Variants in LIG1 observed in about 807,000 individuals in gnomAD.
The protein encoded by LIG1 is DNA ligase 1, also known as ligase I, DNA, ATP-dependent.
LIG1 carries 70 observed loss-of-function variants against 115.7 expected under a neutral mutation model. The observed-to-expected ratio is 0.60, with a 90% CI of 0.50 to 0.74. The LOEUF (loss-of-function observed/expected upper bound fraction) is 0.74, where lower values mean the gene tolerates loss of function less well. Among genes scored for constraint, LIG1 ranks in the 30% least tolerant of loss-of-function variants. The probability of loss-of-function intolerance (pLI) is 0.00; values close to 1 mark genes in which losing one functional copy is unlikely to be tolerated. For synonymous variants in LIG1, 487 were observed against 495.3 expected, an observed-to-expected ratio of 0.98 and a Z score of 0.22; for missense variants, 1,115 against 1,225.6, an observed-to-expected ratio of 0.91 and a Z score of 1.35.
At chr19:48,156,024 G>A (rs193255260) in intron 5 of LIG1, among the ~76,000 whole-genome samples, 1 of 152,246 alleles carries the variant, frequency 6.6e-6, no homozygotes, top group Non-Finnish European at 1.5e-5. Context: ...CCCGCATTAC[G>A]AATGGGTCTC....
chr19:48,116,035 C>T (rs2032790747), intron 26 of LIG1, 70 bp from the exon 27 acceptor site: 2 of 1,103,634 alleles, frequency 1.8e-6, no homozygotes, highest in African/African-American at 3.1e-5. Flanking sequence ...CTCCCTCCTC[C>T]ACTCTGGACT....
chr19:48,156,226 T>C (rs1213231749), intron 5 of LIG1, among the ~76,000 whole-genome samples: 1 of 152,168 alleles, frequency 6.6e-6, no homozygotes, highest in Non-Finnish European at 1.5e-5. Flanking sequence ...TTGCCTAGCA[T>C]GCTCCCCTCC....
In LIG1 at chr19:48,140,137, C is replaced by T; in HGVS notation, c.921G>A (p.Arg307=). ...GCAAGTTGCTCAGCGTCTCCACCATCCGGAGCCTGGAGGAGGGGACGGGGG... is the reference window on the plus strand; with the variant it reads ...GCAAGTTGCTCAGCGTCTCCACCATTCGGAGCCTGGAGGAGGGGACGGGGG... The part of the protein sequence containing the change: ...EKIEEVSARL[R]MVETLSNLLR... Residue 307 remains arginine (R), a synonymous_variant, in exon 12 of 28, where the codon CGG becomes CGA. Transcript: ENST00000263274. 6.2e-7 allele frequency: 1 copy of T among 1,613,098 alleles called. No individual in the cohort carries two copies. Among genetic ancestry groups the T allele is most frequent in the Non-Finnish European group, 8.5e-7 (1 of 1,179,904 alleles).
chr19:48,135,892 C>CCG, intron 15 of LIG1, 113 bp from the exon 16 acceptor site: 1 of 906,288 alleles, frequency 1.1e-6, no homozygotes. Context: ...GCCCAAGACG[C>CCG]CCCCTCCCCC....
chr19:48,134,145 C>CTT (rs2034228392), intron 16 of LIG1, 79 bp from the exon 17 acceptor site: 2 of 1,344,994 alleles, frequency 1.5e-6, no homozygotes, highest in African/African-American at 2.9e-5. Context: ...CGGCCTGCTC[C>CTT]CAGAAGCCTG....
intron 5 of LIG1, among the ~76,000 whole-genome samples, chr19:48,155,475 A>G (rs937423486): frequency 4.0e-5 from 6 of 151,548 alleles, no homozygotes; most frequent in Non-Finnish European, 8.8e-5. Flanking sequence ...AACATGGCCA[A>G]CCCCAACCCA....
chr19:48,143,306 T>C (rs1440866229), intron 11 of LIG1, among the ~76,000 whole-genome samples: 1 of 152,240 alleles, frequency 6.6e-6, no homozygotes, highest in East Asian at 1.9e-4. Context: ...CCTGTCTCCT[T>C]ACCCTGCACA....
intron 24 of LIG1, chr19:48,120,132 C>T: frequency 2.1e-6 from 2 of 968,200 alleles, no homozygotes; most frequent in Non-Finnish European, 2.5e-6. Context: ...TGTCACTGAT[C>T]GTTTAGGTTA....
Position 48,137,527 on chromosome 19 carries a change from T to C in LIG1, c.1249A>G (p.Ser417Gly). Reference sequence around the variant, plus strand: ...GAGCGGCCCGCCCCACTCACAGCACTGCCAGTGAGCCTGGCGATGTCGCGG... The same window carrying C: ...GAGCGGCCCGCCCCACTCACAGCACCGCCAGTGAGCCTGGCGATGTCGCGG... ...KFRDIARLTG[S>G]ASTAKKIDII... Residue 417 changes from serine (S) to glycine (G), a missense_variant, in exon 13 of 28, where the codon AGT becomes GGT. Physicochemically the swap from Ser to Gly is moderately conservative, Grantham distance 56 (BLOSUM62 0). Coordinates refer to ENST00000263274, the MANE Select transcript of LIG1 (RefSeq NM_000234.3). This position sits in a 1 kb window ranked among gnomAD's most constrained non-coding sequence, Gnocchi z 4.3. 6.2e-7 allele frequency: 1 copy of C among 1,612,572 alleles called. No individual in the cohort carries two copies. The highest frequency in any genetic ancestry group is 8.5e-7 in the Non-Finnish European group (1 of 1,179,986).
intron 4 of LIG1, among the ~76,000 whole-genome samples, chr19:48,157,670 G>A (rs1457751970): frequency 4.0e-5 from 6 of 151,898 alleles, no homozygotes; most frequent in Non-Finnish European, 7.4e-5. Flanking sequence ...TCAGCCTCCC[G>A]AGCAACTGGG....
chr19:48,148,658 T>C (rs1023360208), intron 9 of LIG1, among the ~76,000 whole-genome samples: 1 of 151,884 alleles, frequency 6.6e-6, no homozygotes, highest in Non-Finnish European at 1.5e-5. Flanking sequence ...GTTTTGAGCA[T>C]GGCAGAGATG....
chr19:48,164,173 T>C (rs1465712660), intron 2 of LIG1, among the ~76,000 whole-genome samples: 1 of 151,880 alleles, frequency 6.6e-6, no homozygotes, highest in Non-Finnish European at 1.5e-5. Context: ...CTAAAATTAT[T>C]CCAGAATAAG....
At chr19:48,144,904 A>G (rs1210546001) in intron 9 of LIG1, among the ~76,000 whole-genome samples, 2 of 151,504 alleles carry the variant, frequency 1.3e-5, no homozygotes, top group Non-Finnish European at 2.9e-5. Context: ...GCAGCTCTAG[A>G]GACAGTTCCC....
At chr19:48,148,890 G>T (rs1014636506) in intron 9 of LIG1, among the ~76,000 whole-genome samples, 1 of 152,206 alleles carries the variant, frequency 6.6e-6, no homozygotes, top group Non-Finnish European at 1.5e-5. Flanking sequence ...CACGAGGGCT[G>T]GGGCAGGGCG....
In LIG1 at chr19:48,135,903, C is replaced by G. The variant is rs527685633; in HGVS notation, c.1424-124G>C. 13 of 938,206 alleles carry G rather than the reference C, an allele frequency of 1.4e-5. No individual in the cohort carries two copies. In the African/African-American group the frequency reaches 1.9e-4, roughly 14 times the overall value. The allele number at this position is 938,206 out of a possible 1,614,324, so 58.1% of individuals were successfully genotyped here. A position where few individuals can be genotyped will look rare whatever the true frequency, so the allele number is the denominator to read the frequency against. ...CGCGGCCCAAGACGCCCCCTCCCCC[C>G]CACCCAGGAGAGAGGAGCCTGGTAT... On this transcript the variant is annotated intron_variant, in intron 15 of 27. Coordinates refer to ENST00000263274, the MANE Select transcript of LIG1 (RefSeq NM_000234.3).
chr19:48,136,567 G>T (rs1009600012), intron 14 of LIG1, among the ~76,000 whole-genome samples: 5 of 152,186 alleles, frequency 3.3e-5, no homozygotes, highest in African/African-American at 1.2e-4. Context: ...TAAACTGGAG[G>T]TGAGGGTAAC....
At chr19:48,144,389 G>C (rs898831550) in intron 9 of LIG1, among the ~76,000 whole-genome samples, 1 of 152,148 alleles carries the variant, frequency 6.6e-6, no homozygotes, top group Non-Finnish European at 1.5e-5. Flanking sequence ...AAACAGAAAA[G>C]GGATTGCGTA....
chr19:48,129,366 G>A (rs567143901), intron 19 of LIG1, among the ~76,000 whole-genome samples: 29 of 152,306 alleles, frequency 1.9e-4, no homozygotes, highest in African/African-American at 7.0e-4. Flanking sequence ...TGTTACATAG[G>A]CTCACAGAAT....
At position 48,165,605 on chromosome 19, in the gene LIG1, CTTCG is replaced by C. The variant is rs1173215366; in HGVS notation, c.-43_-40del. On this transcript the variant is annotated 5_prime_UTR_variant, in exon 2 of 28. An upstream open reading frame in the 5' UTR loses its in-frame stop. Transcript: ENST00000263274. ...TTCTCCCTTCCTGTCCAGCACTTTT[CTTCG>C]TCTGTCAGCTGCTCCTGGAACAGAA... The C allele has an allele frequency of 6.2e-7, 1 of 1,613,762 alleles. No homozygotes were observed. The highest frequency in any genetic ancestry group is 1.7e-5 in the Admixed American group (1 of 59,952).
Sources: allele counts gnomAD v4.1 joint callset (sites outside exome capture counted in the v4.1 genomes callset), GRCh38; gene constraint gnomAD v4.1.1; non-coding constraint Gnocchi (gnomAD v3.1); transcripts MANE v1.5; gene names NCBI Gene and HGNC (gene_info 2026-07-23, HGNC 2026-07-21).